The following SEMA3A variants were observed in gnomAD, a reference collection of about 807,000 sequenced individuals.
SEMA3A encodes the protein semaphorin-3A.
In SEMA3A, 29 loss-of-function variants were observed where a neutral mutation model predicts 97.9. The observed-to-expected ratio is 0.30, with a 90% CI of 0.22 to 0.40. The LOEUF (loss-of-function observed/expected upper bound fraction) is 0.40, where lower values mean the gene tolerates loss of function less well. SEMA3A is among the 10% of genes least tolerant of loss of function. The pLI is 1.00. For synonymous variants in SEMA3A, 321 were observed against 323.7 expected, an observed-to-expected ratio of 0.99 and a Z score of 0.09; for missense variants, 763 against 951.3, an observed-to-expected ratio of 0.80 and a Z score of 2.60.
chr7:84,160,640 A>G (rs979481345), intron 1 of SEMA3A, among the ~76,000 whole-genome samples: 3 of 152,068 alleles, frequency 2.0e-5, no homozygotes, highest in African/African-American at 7.2e-5. Context: ...GCACTTTGGG[A>G]GGCCGAAGCA....
intron 3 of SEMA3A, among the ~76,000 whole-genome samples, chr7:84,122,962 A>G (rs905767215): frequency 3.3e-5 from 5 of 152,192 alleles, no homozygotes; most frequent in Non-Finnish European, 5.9e-5. Context: ...TCCAAGAATC[A>G]GAATGTTATG....
chr7:83,997,797 C>T (rs947525779), intron 12 of SEMA3A, among the ~76,000 whole-genome samples: 36 of 149,632 alleles, frequency 2.4e-4, no homozygotes, highest in East Asian at 7.9e-4. Context: ...AGTGCAGTGG[C>T]GCAATCTTGG....
chr7:84,130,746 GT>G (rs1429064248), intron 2 of SEMA3A, among the ~76,000 whole-genome samples: 2 of 151,934 alleles, frequency 1.3e-5, no homozygotes, highest in African/African-American at 4.8e-5. Context: ...ATGGAAGAGG[GT>G]AAAACATAAC....
chr7:84,413,403 G>A (rs1164316408), intron 1 of SEMA3A, among the ~76,000 whole-genome samples: 1 of 152,124 alleles, frequency 6.6e-6, no homozygotes, highest in Non-Finnish European at 1.5e-5. Context: ...TGAGTCAGGA[G>A]GATTGCTTGA....
At chr7:84,085,933 G>A (rs1020425406) in intron 4 of SEMA3A, among the ~76,000 whole-genome samples, 2 of 152,136 alleles carry the variant, frequency 1.3e-5, no homozygotes, top group Non-Finnish European at 2.9e-5. Flanking sequence ...AACCCAGACT[G>A]TTTGGCTCCC....
At chr7:84,062,971 C>T (rs569146561) in intron 4 of SEMA3A, among the ~76,000 whole-genome samples, 79 of 152,018 alleles carry the variant, frequency 5.2e-4, no homozygotes, top group African/African-American at 1.8e-3. Context: ...GGGCAGGGCA[C>T]AGACAAACAA....
intron 11 of SEMA3A, among the ~76,000 whole-genome samples, chr7:84,004,935 C>T (rs1476929424): frequency 6.6e-6 from 1 of 152,136 alleles, no homozygotes; most frequent in Non-Finnish European, 1.5e-5. Context: ...TCCTACCACC[C>T]TTGGGAGAGC....
chr7:84,148,539 T>C (rs1757097125), intron 1 of SEMA3A, among the ~76,000 whole-genome samples: 1 of 152,202 alleles, frequency 6.6e-6, no homozygotes, highest in African/African-American at 2.4e-5. Flanking sequence ...CCCAATAGTG[T>C]GCTTTAATTT....
intron 1 of SEMA3A, among the ~76,000 whole-genome samples, chr7:84,404,515 C>A (rs2116225574): frequency 6.6e-6 from 1 of 152,114 alleles, no homozygotes; most frequent in Non-Finnish European, 1.5e-5. Flanking sequence ...CAAGGCAGGC[C>A]AAAATTCAAA....
chr7:84,278,820 T>G (rs1800371895), intron 3 of SEMA3A, among the ~76,000 whole-genome samples: 2 of 152,080 alleles, frequency 1.3e-5, no homozygotes, highest in Admixed American at 1.3e-4. Context: ...TACAATCACC[T>G]CACACCAAAC....
At chr7:84,380,579 A>T (rs1008629212) in intron 1 of SEMA3A, among the ~76,000 whole-genome samples, 1 of 152,182 alleles carries the variant, frequency 6.6e-6, no homozygotes, top group Non-Finnish European at 1.5e-5. Flanking sequence ...TGGAGTTAGC[A>T]TAGGTATTAG....
intron 1 of SEMA3A, among the ~76,000 whole-genome samples, chr7:84,439,776 A>G (rs1184114033): frequency 6.6e-6 from 1 of 152,234 alleles, no homozygotes; most frequent in Non-Finnish European, 1.5e-5. Flanking sequence ...ATTTATGACA[A>G]TGTTATCAAT....
At chr7:84,084,855 G>C (rs1794281697) in intron 4 of SEMA3A, among the ~76,000 whole-genome samples, 1 of 152,024 alleles carries the variant, frequency 6.6e-6, no homozygotes, top group African/African-American at 2.4e-5. Context: ...TCCCTGATAT[G>C]ATATGTATTG....
At chr7:84,235,944 T>G (rs1423502786) in intron 3 of SEMA3A, among the ~76,000 whole-genome samples, 1 of 152,108 alleles carries the variant, frequency 6.6e-6, no homozygotes, top group Non-Finnish European at 1.5e-5. Flanking sequence ...CCTACACACT[T>G]TTAACTAATC....
chr7:84,162,874 A>C (rs1797082323), intron 1 of SEMA3A, among the ~76,000 whole-genome samples: 1 of 152,178 alleles, frequency 6.6e-6, no homozygotes, highest in African/African-American at 2.4e-5. Flanking sequence ...GCAATAGTTC[A>C]TGCTAGCTGC....
chr7:84,221,513 C>T (rs1032660456), intron 3 of SEMA3A, among the ~76,000 whole-genome samples: 3 of 152,108 alleles, frequency 2.0e-5, no homozygotes, highest in African/African-American at 7.2e-5. Context: ...CATTTTCTAC[C>T]TTTTGATATA....
intron 3 of SEMA3A, among the ~76,000 whole-genome samples, chr7:84,273,945 A>G (rs1389495266): frequency 6.6e-6 from 1 of 152,012 alleles, no homozygotes; most frequent in Non-Finnish European, 1.5e-5. Context: ...ATTCTCCAAA[A>G]TTTGTTAATC....
intron 2 of SEMA3A, among the ~76,000 whole-genome samples, chr7:84,323,696 T>C (rs1207468377): frequency 6.6e-6 from 1 of 152,204 alleles, no homozygotes; most frequent in African/African-American, 2.4e-5. Flanking sequence ...TCTCTGATTA[T>C]ATTCTGTCAT....
At chr7:84,482,713 C>A (rs560492682) in intron 1 of SEMA3A, among the ~76,000 whole-genome samples, 1 of 152,188 alleles carries the variant, frequency 6.6e-6, no homozygotes, top group Non-Finnish European at 1.5e-5. Context: ...GCCACAACTG[C>A]GGTTAGATGC....
Sources: allele counts gnomAD v4.1 joint callset (sites outside exome capture counted in the v4.1 genomes callset), GRCh38; gene constraint gnomAD v4.1.1; transcripts MANE v1.5; gene names NCBI Gene and HGNC (gene_info 2026-07-23, HGNC 2026-07-21).